Variants in ESYT3 observed in about 807,000 individuals in gnomAD.
ESYT3 encodes extended synaptotagmin-3.
ESYT3 carries 101 observed loss-of-function variants against 111.5 expected under a neutral mutation model. The ratio of observed to expected loss-of-function variants is 0.91; its 90% CI spans 0.77 to 1.07. The LOEUF (loss-of-function observed/expected upper bound fraction) is 1.07. Ranked by LOEUF, ESYT3 falls within the 50% of genes least tolerant of loss-of-function variation. The probability of loss-of-function intolerance (pLI) is 0.00; values close to 1 mark genes in which losing one functional copy is unlikely to be tolerated. For synonymous variants in ESYT3, 416 were observed against 446.8 expected, an observed-to-expected ratio of 0.93 and a Z score of 0.87; for missense variants, 1,097 against 1,109.4, an observed-to-expected ratio of 0.99 and a Z score of 0.16.
chr3:138,467,800 A>C (rs1042829393), intron 11 of ESYT3, among the ~76,000 whole-genome samples, 191 bp downstream of exon 11: 6 of 152,124 alleles, frequency 3.9e-5, no homozygotes, highest in African/African-American at 1.2e-4. Flanking sequence ...AGCTGGAAGA[A>C]GTTTCCCTGG....
rs184387509 is a variant in ESYT3 at position 138,468,852 on chromosome 3, C to A, written c.1405C>A (p.Arg469=). The stretch of plus-strand genomic sequence containing the variant: ...TTTTGACTACCTGAATGGTGAATAT[C>A]GAGCCAAAAAACTCTCCAGGTTTGC... ...NPFDYLNGEY[R]AKKLSRFARN... Residue 469 remains arginine, a synonymous_variant, in exon 14 of 23, where the codon CGA becomes AGA. Coordinates refer to ENST00000389567, the MANE Select transcript of ESYT3 (RefSeq NM_031913.5). The A allele has an allele frequency of 6.2e-7, 1 of 1,613,988 alleles. No homozygotes were observed. Among genetic ancestry groups the A allele is most frequent in the African/African-American group, 1.3e-5 (1 of 74,888 alleles).
intron 1 of ESYT3, among the ~76,000 whole-genome samples, chr3:138,438,920 T>C (rs1275848398): frequency 6.6e-6 from 1 of 152,226 alleles, no homozygotes; most frequent in Non-Finnish European, 1.5e-5. Flanking sequence ...AGCTCACCCT[T>C]GAACAGAGGG....
intron 1 of ESYT3, among the ~76,000 whole-genome samples, chr3:138,436,499 A>G (rs939057282): frequency 6.6e-6 from 1 of 152,260 alleles, no homozygotes; most frequent in Admixed American, 6.5e-5. Flanking sequence ...CATACACTTC[A>G]TAACACTTAA....
intron 2 of ESYT3, among the ~76,000 whole-genome samples, chr3:138,454,304 A>C (rs2032132412): frequency 6.6e-6 from 1 of 151,958 alleles, no homozygotes; most frequent in South Asian, 2.1e-4. Flanking sequence ...TTGAGAGGCC[A>C]AGGCGGACAG....
intron 21 of ESYT3, 32 bp downstream of exon 21, chr3:138,476,360 A>G (rs2108633552): frequency 1.3e-6 from 2 of 1,596,524 alleles, no homozygotes; most frequent in South Asian, 2.2e-5. Flanking sequence ...TATACCAAGG[A>G]GATTATGATC....
intron 1 of ESYT3, among the ~76,000 whole-genome samples, chr3:138,439,773 T>C (rs2031002752): frequency 6.6e-6 from 1 of 152,142 alleles, no homozygotes; most frequent in African/African-American, 2.4e-5. Flanking sequence ...AGTAGGAAAA[T>C]AGCCTGAGGC....
chr3:138,445,350 G>A (rs539743575), intron 1 of ESYT3, among the ~76,000 whole-genome samples: 20 of 152,212 alleles, frequency 1.3e-4, no homozygotes, highest in African/African-American at 2.9e-4. Flanking sequence ...GATTGGGTGC[G>A]TTTGCCAAGC....
At position 138,434,960 on chromosome 3, in the gene ESYT3, C is replaced by A; in HGVS notation, c.162C>A (p.Tyr54Ter). ...TGGGGCCTGTCTACCTAGCTGGCTA[C>A]CTGGGGCTCAGCATAACCTGGTTGC... is the stretch of plus-strand genomic sequence containing the variant. The part of the protein sequence containing the change: ...FYLGPVYLAG[Y>*]LGLSITWLLL... Residue 54 changes from tyrosine to a stop codon, truncating the protein, a stop_gained, in exon 1 of 23, where the codon TAC (tyrosine) becomes TAA (stop). Coordinates refer to ENST00000389567, the MANE Select transcript of ESYT3 (RefSeq NM_031913.5). LOFTEE classifies it high-confidence loss of function. 1 of 1,554,660 alleles carries A rather than the reference C, an allele frequency of 6.4e-7. No individual in the cohort carries two copies. Among genetic ancestry groups the A allele is most frequent in the East Asian group, 2.4e-5 (1 of 41,544 alleles).
chr3:138,436,933 G>A (rs927906235), intron 1 of ESYT3, among the ~76,000 whole-genome samples: 3 of 152,170 alleles, frequency 2.0e-5, no homozygotes, highest in African/African-American at 4.8e-5. Flanking sequence ...AAATCAGATC[G>A]TGTAGGGGCG....
At chr3:138,465,312 G>C in intron 9 of ESYT3, 27 bp from the exon 10 acceptor site, 1 of 1,547,874 alleles carries the variant, frequency 6.5e-7, no homozygotes. Flanking sequence ...GTTGCCTGCA[G>C]GTCAAGACAC....
Position 138,434,889 on chromosome 3 carries a change from C to T in ESYT3, c.91C>T (p.Leu31=). ...PGPELRLSSQ[L]LPELCTFVVR... ...CCCCGAGCTGCGCCTGTCCAGCCAG[C>T]TGCTGCCCGAGCTCTGTACCTTCGT... The change falls in exon 1 of 23, where the codon CTG becomes TTG. Residue 31 remains leucine, a synonymous_variant. Coordinates refer to ENST00000389567, the MANE Select transcript of ESYT3 (RefSeq NM_031913.5). The T allele has an allele frequency of 6.4e-7, 1 of 1,550,762 alleles. No individual in the cohort carries two copies. Among genetic ancestry groups the T allele is most frequent in the Non-Finnish European group, 8.7e-7 (1 of 1,147,034 alleles).
intron 1 of ESYT3, among the ~76,000 whole-genome samples, chr3:138,444,419 C>A (rs182164671): frequency 2.7e-4 from 41 of 152,330 alleles, no homozygotes; most frequent in Admixed American, 2.4e-3. Context: ...ATGTTCTCAC[C>A]TATAATACAT....
At chr3:138,436,738 A>C (rs979346578) in intron 1 of ESYT3, among the ~76,000 whole-genome samples, 7 of 152,168 alleles carry the variant, frequency 4.6e-5, no homozygotes, top group Non-Finnish European at 1.0e-4. Flanking sequence ...CACCCCTTGC[A>C]CACAGTTGAG....
At chr3:138,461,112 T>C (rs1329376329) in intron 7 of ESYT3, among the ~76,000 whole-genome samples, 2 of 152,122 alleles carry the variant, frequency 1.3e-5, no homozygotes, top group Non-Finnish European at 2.9e-5. Flanking sequence ...TCTTCCTCAG[T>C]AAAAGGGGAG....
At chr3:138,464,244 A>C (rs970588348) in intron 8 of ESYT3, 101 bp from the exon 9 acceptor site, 39 of 1,352,296 alleles carry the variant, frequency 2.9e-5, no homozygotes, top group Non-Finnish European at 3.8e-5. Context: ...GGAGGGGGCA[A>C]TATGGGGGCA....
chr3:138,476,442 G>A lies in ESYT3; in HGVS notation c.2575-1G>A. On this transcript the variant is annotated splice_acceptor_variant, in intron 21 of 22. Transcript: ENST00000389567. LOFTEE classifies it high-confidence loss of function. Reference sequence around the variant, plus strand: ...GGAACTAATTATTTGTGATTATTTAGGTACTGATTGACTTATCAAAAGAAG... The same window carrying A: ...GGAACTAATTATTTGTGATTATTTAAGTACTGATTGACTTATCAAAAGAAG... 6.2e-7 allele frequency: 1 copy of A among 1,613,858 alleles called. No individual in the cohort carries two copies. Among genetic ancestry groups the A allele is most frequent in the Non-Finnish European group, 8.5e-7 (1 of 1,179,854 alleles).
In ESYT3 at chr3:138,478,056, G is replaced by A. The variant is rs2033567177; in HGVS notation, c.*1202G>A. On this transcript the variant is annotated 3_prime_UTR_variant, in exon 23 of 23. Transcript: ENST00000389567. ...GTCTCAAACCTATTTCCTCTATTAA[G>A]TAAGTCAGTCAATCCATAGTGAAAT... 1 of 152,086 alleles carries A rather than the reference G, an allele frequency of 6.6e-6. No individual in the cohort carries two copies. The allele number at this position is 152,086 out of a possible 1,614,324, so 9.4% of individuals were successfully genotyped here.
intron 1 of ESYT3, among the ~76,000 whole-genome samples, chr3:138,437,985 G>A (rs1394420290): frequency 1.3e-5 from 2 of 152,104 alleles, no homozygotes; most frequent in Non-Finnish European, 1.5e-5. Context: ...AGGTTTCCAC[G>A]CCCAGTGATG....
At chr3:138,445,331 A>G (rs1392214747) in intron 1 of ESYT3, among the ~76,000 whole-genome samples, 5 of 152,244 alleles carry the variant, frequency 3.3e-5, no homozygotes, top group Non-Finnish European at 5.9e-5. Flanking sequence ...GACACAAGGC[A>G]GAGGCTCAGA....
Sources: gnomAD v4.1 joint callset for allele counts (sites outside exome capture counted in the v4.1 genomes callset) on GRCh38, gnomAD v4.1.1 for gene constraint, MANE v1.5 for transcripts, NCBI Gene and HGNC (gene_info 2026-07-23, HGNC 2026-07-21) for gene names.